Variants in DNAH14 observed in about 807,000 individuals in gnomAD.
DNAH14 encodes dynein axonemal heavy chain 14, also known as axonemal beta dynein heavy chain 14.
A neutral mutation model predicts 520.9 loss-of-function variants in DNAH14; 478 were observed. The ratio of observed to expected loss-of-function variants is 0.92; its 90% CI spans 0.85 to 0.99. DNAH14 has a LOEUF of 0.99. Ranked by LOEUF, DNAH14 falls within the 50% of genes least tolerant of loss-of-function variation. The pLI is 0.00. For synonymous variants in DNAH14, 1,581 were observed against 1,757.2 expected (o/e 0.90, Z 2.51); for missense variants, 4,831 against 5,234.5 (o/e 0.92, Z 2.38).
intron 44 of DNAH14, among the ~76,000 whole-genome samples, 200 bp from the exon 45 acceptor site, chr1:225,257,760 C>A (rs556919454): frequency 2.0e-5 from 3 of 152,014 alleles, no homozygotes; most frequent in African/African-American, 7.2e-5. Flanking sequence ...TGGTCTCGAT[C>A]TCCTGAACTC....
At chr1:224,963,785 T>G (rs2060985623) in intron 4 of DNAH14, among the ~76,000 whole-genome samples, 1 of 152,134 alleles carries the variant, frequency 6.6e-6, no homozygotes, top group Non-Finnish European at 1.5e-5. Flanking sequence ...GTCATGCAAG[T>G]GCCTCATCCT....
intron 85 of DNAH14, 30 bp from the exon 86 acceptor site, chr1:225,399,024 T>G: frequency 1.4e-6 from 2 of 1,466,664 alleles, no homozygotes; most frequent in Non-Finnish European, 1.9e-6. Flanking sequence ...ACTATGCAAT[T>G]TGACTACTGG....
intron 23 of DNAH14, among the ~76,000 whole-genome samples, chr1:225,106,613 A>G (rs1376504105): frequency 6.6e-6 from 1 of 151,792 alleles, no homozygotes; most frequent in Non-Finnish European, 1.5e-5. Flanking sequence ...TTTTCTTCTC[A>G]CTTCATTTCA....
Position 225,351,730 on chromosome 1 carries a change from C to T in DNAH14, c.11380C>T (p.Leu3794=). The change falls in exon 72 of 86, where the codon CTG becomes TTG. Residue 3794 remains leucine (L), a synonymous_variant. Coordinates refer to ENST00000682510, the MANE Select transcript of DNAH14 (RefSeq NM_001367479.1). ...WRQCQYVSTH[L]EPFSLLCKSL... ...GCAGTGCCAATATGTCAGCACTCAC[C>T]TGGAACCATTTTCACTTCTGTGCAA... 6.4e-7 allele frequency: 1 copy of T among 1,551,312 alleles called. No individual in the cohort carries two copies. Among genetic ancestry groups the T allele is most frequent in the South Asian group, 1.2e-5 (1 of 84,054 alleles).
intron 10 of DNAH14, among the ~76,000 whole-genome samples, chr1:225,017,273 T>G (rs1273095296): frequency 1.3e-5 from 2 of 152,234 alleles, no homozygotes; most frequent in Non-Finnish European, 2.9e-5. Flanking sequence ...ATAAGTAGTC[T>G]TCTTTTTGTC....
intron 54 of DNAH14, among the ~76,000 whole-genome samples, chr1:225,284,698 G>A (rs1453672034): frequency 6.6e-6 from 1 of 152,004 alleles, no homozygotes; most frequent in African/African-American, 2.4e-5. Flanking sequence ...AAAACTACAG[G>A]CTAATATCCC....
At chr1:224,939,745 A>T (rs1273512648) in intron 1 of DNAH14, among the ~76,000 whole-genome samples, 1 of 152,156 alleles carries the variant, frequency 6.6e-6, no homozygotes, top group Non-Finnish European at 1.5e-5. Context: ...AGCCCACTAT[A>T]TAAGAGAAGA....
At chr1:225,164,060 G>A (rs1446689792) in intron 35 of DNAH14, among the ~76,000 whole-genome samples, 1 of 152,014 alleles carries the variant, frequency 6.6e-6, no homozygotes, top group Non-Finnish European at 1.5e-5. Context: ...GCTATTAATT[G>A]TATTTTTCAG....
chr1:225,335,762 C>T (rs111205891), intron 66 of DNAH14, among the ~76,000 whole-genome samples: 2,258 of 28,582 alleles, frequency 0.079, 440 homozygotes, highest in East Asian at 0.4. Flanking sequence ...TATATACATA[C>T]ATGTGCATAT....
At chr1:224,953,546 A>G (rs908038914) in intron 2 of DNAH14, among the ~76,000 whole-genome samples, 7 of 152,200 alleles carry the variant, frequency 4.6e-5, no homozygotes, top group African/African-American at 1.2e-4. Flanking sequence ...ACAACTATAA[A>G]AAACTTATTA....
intron 76 of DNAH14, among the ~76,000 whole-genome samples, chr1:225,365,637 G>A (rs1430227992): frequency 1.3e-5 from 2 of 152,112 alleles, no homozygotes; most frequent in Non-Finnish European, 2.9e-5. Context: ...CCAACATCCC[G>A]GTTCCTGGGG....
chr1:225,345,099 G>C (rs1290293923), intron 69 of DNAH14, among the ~76,000 whole-genome samples: 1 of 152,090 alleles, frequency 6.6e-6, no homozygotes, highest in Non-Finnish European at 1.5e-5. Context: ...GGTGAGTACT[G>C]TGAGAGATGG....
In DNAH14 at chr1:225,335,860, T is replaced by C. The variant is rs545446859; in HGVS notation, c.10081-1406T>C. Among the ~76,000 whole-genome samples, 3 of 62,300 alleles carry C rather than the reference T, an allele frequency of 4.8e-5. 1 individual carries two copies. Among genetic ancestry groups the C allele is most frequent in the Non-Finnish European group, 9.4e-5 (3 of 31,754 alleles). 40.9% of individuals were successfully genotyped at this position (62,300 alleles called of 152,430 possible). A position where few individuals can be genotyped will look rare whatever the true frequency, so the allele number is the denominator to read the frequency against. On this transcript the variant is annotated intron_variant, in intron 66 of 85. Transcript: ENST00000682510. ...ATATGTACATACACATATGTACATATATGTACATACACATATACATATATG... is the reference window on the plus strand; with the variant it reads ...ATATGTACATACACATATGTACATACATGTACATACACATATACATATATG...
chr1:225,173,858 T>C (rs80045052), intron 36 of DNAH14, among the ~76,000 whole-genome samples: 24,049 of 152,116 alleles, frequency 0.16, 2,278 homozygotes, highest in East Asian at 0.42. Context: ...TTGGAACCAA[T>C]CCAAATGTCC....
At chr1:225,335,941 A>G (rs2095024711) in intron 66 of DNAH14, among the ~76,000 whole-genome samples, 1 of 121,774 alleles carries the variant, frequency 8.2e-6, no homozygotes, top group African/African-American at 2.8e-5. Flanking sequence ...CTATATATAC[A>G]TATATGTATA....
chr1:225,232,467 T>A lies in DNAH14; in HGVS notation c.6518+1316T>A, dbSNP rs2091222852. ...TATTTATTTTCTCTTTTGTAGTGATTTAAGACTTCCCATTACTCTCAAAGT... is the reference window on the plus strand; with the variant it reads ...TATTTATTTTCTCTTTTGTAGTGATATAAGACTTCCCATTACTCTCAAAGT... On this transcript the variant is annotated intron_variant, in intron 42 of 85. Coordinates refer to ENST00000682510, the MANE Select transcript of DNAH14 (RefSeq NM_001367479.1). The surrounding 1 kb of genome is among the most constrained non-coding windows in gnomAD (Gnocchi z 4.2). Among the ~76,000 whole-genome samples the A allele has an allele frequency of 6.6e-6, 1 of 152,188 alleles. No individual in the cohort carries two copies. The highest frequency in any genetic ancestry group is 1.5e-5 in the Non-Finnish European group (1 of 68,022).
At chr1:224,932,228 A>G (rs1437437047) in intron 1 of DNAH14, among the ~76,000 whole-genome samples, 2 of 151,984 alleles carry the variant, frequency 1.3e-5, no homozygotes, top group Admixed American at 6.5e-5. Context: ...TTTTTTTCAA[A>G]TACCTATTGG....
intron 54 of DNAH14, among the ~76,000 whole-genome samples, chr1:225,278,176 A>T (rs2093538264): frequency 6.6e-6 from 1 of 151,118 alleles, no homozygotes; most frequent in South Asian, 2.1e-4. Flanking sequence ...AATTAAAAGG[A>T]ACTAAAAACT....
chr1:225,341,263 C>A (rs2095173274), intron 69 of DNAH14, among the ~76,000 whole-genome samples: 1 of 152,060 alleles, frequency 6.6e-6, no homozygotes, highest in Non-Finnish European at 1.5e-5. Flanking sequence ...TGCCACCACA[C>A]CCGACTTAAT....
Sources: allele counts gnomAD v4.1 joint callset (sites outside exome capture counted in the v4.1 genomes callset), GRCh38; gene constraint gnomAD v4.1.1; non-coding constraint Gnocchi (gnomAD v3.1); transcripts MANE v1.5; gene names NCBI Gene and HGNC (gene_info 2026-07-23, HGNC 2026-07-21).